The following SCFD2 variants were observed in gnomAD, a reference collection of about 807,000 sequenced individuals.
SCFD2 encodes the protein sec1 family domain containing 2.
A neutral mutation model predicts 58.9 loss-of-function variants in SCFD2; 54 were observed. The ratio of observed to expected loss-of-function variants is 0.92; its 90% CI spans 0.74 to 1.15. The LOEUF is 1.15. Ranked by LOEUF, SCFD2 falls within the 50% of genes most tolerant of loss-of-function variation. SCFD2 has a pLI of 0.00. For missense variants in SCFD2, 805 were observed against 836.6 expected, an observed-to-expected ratio of 0.96 and a Z score of 0.47; for synonymous variants, 321 against 335.9, an observed-to-expected ratio of 0.96 and a Z score of 0.49.
chr4:53,038,624 T>C (rs1165283310), intron 5 of SCFD2, among the ~76,000 whole-genome samples: 5 of 151,706 alleles, frequency 3.3e-5, no homozygotes, highest in Admixed American at 1.3e-4. Context: ...TATAAAACGA[T>C]AGGGAGAAAG....
At chr4:53,210,516 G>A (rs377653413) in intron 4 of SCFD2, among the ~76,000 whole-genome samples, 7 of 152,080 alleles carry the variant, frequency 4.6e-5, no homozygotes, top group African/African-American at 9.7e-5. Context: ...AAGGAGAGAC[G>A]AGAATCCAGC....
intron 5 of SCFD2, among the ~76,000 whole-genome samples, chr4:53,021,167 G>A (rs1300680997): frequency 6.6e-6 from 1 of 152,010 alleles, no homozygotes; most frequent in Non-Finnish European, 1.5e-5. Flanking sequence ...AAACTTATTG[G>A]GCCTTTTAAT....
At chr4:53,181,900 C>G (rs921354349) in intron 4 of SCFD2, among the ~76,000 whole-genome samples, 1 of 152,142 alleles carries the variant, frequency 6.6e-6, no homozygotes, top group East Asian at 1.9e-4. Context: ...CTCCCACTCA[C>G]AATTGCTTCA....
At chr4:53,020,144 G>A (rs1185804669) in intron 5 of SCFD2, among the ~76,000 whole-genome samples, 1 of 152,142 alleles carries the variant, frequency 6.6e-6, no homozygotes, top group African/African-American at 2.4e-5. Context: ...CTCTTCCGGT[G>A]CCCACATACT....
At chr4:52,958,211 C>T (rs1451010007) in intron 5 of SCFD2, 1 of 152,228 alleles carries the variant, frequency 6.6e-6, no homozygotes, top group Non-Finnish European at 1.5e-5. Flanking sequence ...TTAGAAAATA[C>T]ACTCATGCGT....
At chr4:52,942,801 T>C (rs983961957) in intron 5 of SCFD2, among the ~76,000 whole-genome samples, 3 of 152,168 alleles carry the variant, frequency 2.0e-5, no homozygotes, top group African/African-American at 7.2e-5. Context: ...TCAAAACAAG[T>C]GGGCTAGCAG....
At chr4:53,194,365 A>G (rs1727998793) in intron 4 of SCFD2, among the ~76,000 whole-genome samples, 1 of 152,200 alleles carries the variant, frequency 6.6e-6, no homozygotes. Context: ...TTATGTAAAG[A>G]AAAAACTCAC....
At chr4:52,970,719 CT>C (rs1721077956) in intron 5 of SCFD2, among the ~76,000 whole-genome samples, 1 of 152,204 alleles carries the variant, frequency 6.6e-6, no homozygotes, top group African/African-American at 2.4e-5. Flanking sequence ...AGACTGCCTC[CT>C]TAAGTGGGTC....
chr4:53,049,950 T>C (rs1432739595), intron 5 of SCFD2, among the ~76,000 whole-genome samples: 1 of 152,186 alleles, frequency 6.6e-6, no homozygotes, highest in African/African-American at 2.4e-5. Context: ...TATTCATTCA[T>C]AGATTCAGCA....
intron 4 of SCFD2, among the ~76,000 whole-genome samples, chr4:53,164,233 C>T (rs998394247): frequency 2.6e-5 from 4 of 152,088 alleles, no homozygotes; most frequent in African/African-American, 9.7e-5. Context: ...TATTTATGTT[C>T]CTCTAAAGAT....
At chr4:53,250,229 T>A (rs1560411242) in intron 4 of SCFD2, among the ~76,000 whole-genome samples, 1 of 152,094 alleles carries the variant, frequency 6.6e-6, no homozygotes, top group African/African-American at 2.4e-5. Context: ...GCTAAAGGGA[T>A]CAATGCAACA....
chr4:53,031,269 T>A (rs1188395746), intron 5 of SCFD2, among the ~76,000 whole-genome samples: 1 of 152,062 alleles, frequency 6.6e-6, no homozygotes, highest in East Asian at 1.9e-4. Flanking sequence ...CAACATCAAA[T>A]ACCAAAGATA....
intron 7 of SCFD2, among the ~76,000 whole-genome samples, chr4:52,893,272 T>G (rs773121909): frequency 5.3e-5 from 8 of 152,058 alleles, no homozygotes; most frequent in Non-Finnish European, 8.8e-5. Context: ...CATCTTGCTA[T>G]GTTGCCCAAG....
intron 4 of SCFD2, among the ~76,000 whole-genome samples, chr4:53,156,345 G>A (rs1407177072): frequency 6.7e-6 from 1 of 148,654 alleles, no homozygotes; most frequent in Non-Finnish European, 1.5e-5. Context: ...GTTGCAGTGA[G>A]CTGAAGATCA....
chr4:53,245,276 T>C lies in SCFD2; in HGVS notation c.1311+28550A>G, dbSNP rs116164286. Among the ~76,000 whole-genome samples, 1,301 of 152,012 alleles carry C rather than the reference T, an allele frequency of 8.6e-3. 12 individuals carry two copies. Among genetic ancestry groups the C allele is most frequent in the African/African-American group, 0.03 (1,235 of 41,464 alleles). ...GTCCATGAGGCCCGAATTATCCTGA[T>C]AGAAAAACCTGGTGGAGACATCAAA... On this transcript the variant is annotated intron_variant, in intron 4 of 8. Coordinates refer to ENST00000401642, the MANE Select transcript of SCFD2 (RefSeq NM_152540.4).
chr4:53,327,440 T>A (rs1733242421), intron 2 of SCFD2, among the ~76,000 whole-genome samples: 1 of 151,230 alleles, frequency 6.6e-6, no homozygotes, highest in Non-Finnish European at 1.5e-5. Flanking sequence ...ACACCAAGAG[T>A]ATGATGCACT....
intron 5 of SCFD2, among the ~76,000 whole-genome samples, chr4:53,054,035 C>T (rs1219980373): frequency 2.0e-5 from 3 of 152,026 alleles, no homozygotes; most frequent in African/African-American, 7.2e-5. Context: ...AGTCTTATTT[C>T]TTCTATCAAG....
chr4:53,123,897 G>T (rs1041000181), intron 5 of SCFD2, among the ~76,000 whole-genome samples: 19 of 152,178 alleles, frequency 1.2e-4, no homozygotes, highest in African/African-American at 4.6e-4. Context: ...ACCGTCTCAG[G>T]TGATTCTGGC....
intron 4 of SCFD2, among the ~76,000 whole-genome samples, chr4:53,151,885 C>T (rs1726518561): frequency 6.6e-6 from 1 of 152,178 alleles, no homozygotes; most frequent in African/African-American, 2.4e-5. Context: ...GGGTGCTCAG[C>T]ACATCACATG....
Sources: gnomAD v4.1 joint callset for allele counts (sites outside exome capture counted in the v4.1 genomes callset) on GRCh38, gnomAD v4.1.1 for gene constraint, MANE v1.5 for transcripts, NCBI Gene and HGNC (gene_info 2026-07-23, HGNC 2026-07-21) for gene names.